SSPN: variants seen among roughly 807,000 people sequenced by gnomAD.
SSPN encodes K-ras oncogene-associated protein.
Under a neutral mutation model 19.1 loss-of-function variants are expected in SSPN, and 15 were observed. That is an observed-to-expected ratio of 0.78 (90% CI 0.52 to 1.21). The LOEUF is 1.21. Among genes scored for constraint, SSPN ranks in the 50% most tolerant of loss-of-function variants. The probability of loss-of-function intolerance (pLI) is 0.00; values close to 1 mark genes in which losing one functional copy is unlikely to be tolerated. For missense variants in SSPN, 291 were observed against 314.0 expected, an observed-to-expected ratio of 0.93 and a Z score of 0.55; for synonymous variants, 147 against 140.3, an observed-to-expected ratio of 1.05 and a Z score of -0.34.
chr12:26,215,795 G>T (rs770102670), intron 1 of SSPN, among the ~76,000 whole-genome samples: 2 of 152,178 alleles, frequency 1.3e-5, no homozygotes, highest in Non-Finnish European at 2.9e-5. Flanking sequence ...GAGGAAACAG[G>T]CTCTGCAATG....
intron 2 of SSPN, 21 bp downstream of exon 2, chr12:26,224,400 C>G (rs1284022620): frequency 1.3e-6 from 2 of 1,565,922 alleles, no homozygotes; most frequent in African/African-American, 1.4e-5. Flanking sequence ...ATTGTTCTTT[C>G]TCTTTTATCA....
chr12:26,191,774 G>A (rs910976088), upstream of SSPN, among the ~76,000 whole-genome samples: 7 of 152,012 alleles, frequency 4.6e-5, no homozygotes, highest in Non-Finnish European at 1.0e-4. Context: ...ATGGCGGCCA[G>A]CAAGGCATAT....
intron 1 of SSPN, chr12:26,124,795 G>T: frequency 6.2e-7 from 1 of 1,613,916 alleles, no homozygotes; most frequent in East Asian, 2.2e-5. Context: ...ACTGCTGTTC[G>T]TTTCCTCTGT....
chr12:26,233,124 C>T lies in SSPN; in HGVS notation c.*2048C>T, dbSNP rs1296059295. 1 of 151,670 alleles carries T rather than the reference C, an allele frequency of 6.6e-6. No homozygotes were observed. Among genetic ancestry groups the T allele is most frequent in the Non-Finnish European group, 1.5e-5 (1 of 67,972 alleles). The allele number at this position is 151,670 out of a possible 1,614,324, so 9.4% of individuals were successfully genotyped here. ...GAAAGCACATCCCGAATTTCTTTAA[C>T]AACAACATTTTATAGTGAACACTAC... is the stretch of plus-strand genomic sequence containing the variant. On this transcript the variant is annotated 3_prime_UTR_variant, in exon 3 of 3. Transcript: ENST00000242729. This position sits in a 1 kb window ranked among gnomAD's most constrained non-coding sequence, Gnocchi z 4.3.
chr12:26,124,384 G>A, intron 1 of SSPN: 1 of 1,004,530 alleles, frequency 1.0e-6, no homozygotes, highest in South Asian at 1.3e-5. Flanking sequence ...AGAGTACCCA[G>A]CAAGCCACTT....
intron 1 of SSPN, among the ~76,000 whole-genome samples, chr12:26,159,244 G>T (rs1944573474): frequency 6.6e-6 from 1 of 152,360 alleles, no homozygotes; most frequent in East Asian, 1.9e-4. Context: ...AGAAGAAGGG[G>T]TCATCTAAGG....
rs544273341 is a variant in SSPN, at chr12:26,231,250, AT to A, written c.*182del. ...GAGCATTTCTTCAGGTTTCTATTGT[AT>A]TTTTTTTAACATTCTTGCAGAGAAA... On this transcript the variant is annotated 3_prime_UTR_variant, in exon 3 of 3. Transcript: ENST00000242729. 2.4e-4 allele frequency: 249 copies of A among 1,049,504 alleles called. No individual in the cohort carries two copies. Among genetic ancestry groups the A allele is most frequent in the Non-Finnish European group, 2.6e-4 (203 of 773,162 alleles). 65.0% of individuals were successfully genotyped at this position (1,049,504 alleles called of 1,614,324 possible). A position where few individuals can be genotyped will look rare whatever the true frequency, so the allele number is the denominator to read the frequency against.
intron 1 of SSPN, among the ~76,000 whole-genome samples, chr12:26,156,923 C>T (rs1354670237): frequency 6.6e-6 from 1 of 152,136 alleles, no homozygotes; most frequent in Non-Finnish European, 1.5e-5. Flanking sequence ...GTTTTAGAAT[C>T]CAGGTGTCTG....
At chr12:26,209,462 C>G (rs1473474860) in intron 1 of SSPN, among the ~76,000 whole-genome samples, 4 of 151,900 alleles carry the variant, frequency 2.6e-5, no homozygotes, top group Non-Finnish European at 5.9e-5. Context: ...TATTTCTTAT[C>G]CTGTCTAGTA....
chr12:26,157,777 A>C (rs111253350), intron 1 of SSPN, among the ~76,000 whole-genome samples: 7 of 152,326 alleles, frequency 4.6e-5, no homozygotes, highest in African/African-American at 1.4e-4. Context: ...ACTCAGTGAT[A>C]CTATGGCAAC....
chr12:26,186,369 T>C (rs986755694), intron 1 of SSPN, among the ~76,000 whole-genome samples: 1 of 152,216 alleles, frequency 6.6e-6, no homozygotes, highest in Non-Finnish European at 1.5e-5. Flanking sequence ...TAGTTGAGCA[T>C]GACACTTAAC....
chr12:26,168,316 C>CA (rs1428640630), intron 1 of SSPN, among the ~76,000 whole-genome samples: 1 of 151,666 alleles, frequency 6.6e-6, no homozygotes, highest in Admixed American at 6.6e-5. Flanking sequence ...AATTGTTATG[C>CA]ACATAGGGCA....
At chr12:26,198,176 T>G (rs7955935) in intron 1 of SSPN, among the ~76,000 whole-genome samples, 103,801 of 140,124 alleles carry the variant, frequency 0.74, 36,329 homozygotes, top group East Asian at 0.92. Context: ...TGGGGGGGGG[T>G]TTTTGGAGAC....
rs766583720 is a variant in SSPN at position 26,233,355 on chromosome 12, T to TATATATATATATAC, written c.*2280_*2281insTATATATATATACA. The TATATATATATATAC allele has an allele frequency of 2.0e-5, 3 of 146,612 alleles. No individual in the cohort carries two copies. The highest frequency in any genetic ancestry group is 7.9e-5 in the African/African-American group (3 of 37,982). 9.1% of individuals were successfully genotyped at this position (146,612 alleles called of 1,614,324 possible). ...AGATATATATATATATATATACACATACACACACACACACACATATATACT... is the reference window on the plus strand; with the variant it reads ...AGATATATATATATATATATACACATATATATATATATACACACACACACACACACATATATACT... On this transcript the variant is annotated 3_prime_UTR_variant, in exon 3 of 3. Transcript: ENST00000242729. This position sits in a 1 kb window ranked among gnomAD's most constrained non-coding sequence, Gnocchi z 4.3.
chr12:26,196,027 A>G, intron 1 of SSPN, 76 bp downstream of exon 1: 2 of 1,213,438 alleles, frequency 1.6e-6, no homozygotes, highest in South Asian at 3.5e-5. Flanking sequence ...GTTGAGACTA[A>G]CCCAGCTGCA....
chr12:26,166,681 C>T (rs958343216), intron 1 of SSPN, among the ~76,000 whole-genome samples: 2 of 152,214 alleles, frequency 1.3e-5, no homozygotes, highest in African/African-American at 4.8e-5. Context: ...TTTATTTGAA[C>T]ATAGACATGC....
At chr12:26,211,692 T>C (rs1354568696) in intron 1 of SSPN, 1 of 152,180 alleles carries the variant, frequency 6.6e-6, no homozygotes, top group African/African-American at 2.4e-5. Context: ...ACATAGGAGA[T>C]ACAAGTGAAC....
At chr12:26,123,658 C>T (rs1423078188) in intron 1 of SSPN, 1 of 1,613,692 alleles carries the variant, frequency 6.2e-7, no homozygotes, top group Non-Finnish European at 8.5e-7. Flanking sequence ...TCTTCTGATG[C>T]TGTTGCTCGG....
At chr12:26,174,511 T>TCCTTCCTTCCTTCCTTCCTTCCTTC (rs1555177718) in intron 1 of SSPN, among the ~76,000 whole-genome samples, 54 of 145,884 alleles carry the variant, frequency 3.7e-4, no homozygotes, top group South Asian at 2.1e-3. Context: ...TTCCCTTCCT[T>TCCTTCCTTCCTTCCTTCCTTCCTTC]CCTTCCTTCC....
Sources: allele counts gnomAD v4.1 joint callset (sites outside exome capture counted in the v4.1 genomes callset), GRCh38; gene constraint gnomAD v4.1.1; non-coding constraint Gnocchi (gnomAD v3.1); transcripts MANE v1.5; gene names NCBI Gene and HGNC (gene_info 2026-07-23, HGNC 2026-07-21).